HM13: variants seen among roughly 807,000 people sequenced by gnomAD.
HM13 encodes histocompatibility minor 13.
HM13 carries 18 observed loss-of-function variants against 50.0 expected under a neutral mutation model. The ratio of observed to expected loss-of-function variants is 0.36; its 90% CI spans 0.25 to 0.53. HM13 has a LOEUF of 0.53. Ranked by LOEUF, HM13 falls within the 20% of genes least tolerant of loss-of-function variation. The pLI is 0.90. For synonymous variants in HM13, 197 were observed against 232.6 expected, an observed-to-expected ratio of 0.85 and a Z score of 1.39; for missense variants, 393 against 552.4, an observed-to-expected ratio of 0.71 and a Z score of 2.89.
intron 1 of HM13, among the ~76,000 whole-genome samples, chr20:31,522,214 C>T (rs974591608): frequency 1.1e-4 from 16 of 152,110 alleles, no homozygotes; most frequent in African/African-American, 3.1e-4. Context: ...AGCCCTGAGC[C>T]TCTGCATGTG....
chr20:31,563,187 A>G (rs1984715197), intron 10 of HM13: 1 of 152,314 alleles, frequency 6.6e-6, no homozygotes, highest in African/African-American at 2.4e-5. Context: ...ACCCTGCCCC[A>G]AGGCCTGTGT....
chr20:31,522,317 C>T (rs1417647885), intron 1 of HM13, among the ~76,000 whole-genome samples: 1 of 152,084 alleles, frequency 6.6e-6, no homozygotes, highest in Non-Finnish European at 1.5e-5. Flanking sequence ...AATCCCAGCA[C>T]TTTGGGAGGC....
chr20:31,543,682 A>C (rs976371609), intron 3 of HM13, among the ~76,000 whole-genome samples: 2 of 151,872 alleles, frequency 1.3e-5, no homozygotes, highest in Admixed American at 1.3e-4. Flanking sequence ...CTGTAATCCC[A>C]GCATTTTGGG....
chr20:31,567,917 C>G, intron 11 of HM13, 161 bp from the exon 12 acceptor site: 2 of 648,244 alleles, frequency 3.1e-6, no homozygotes, highest in Non-Finnish European at 5.2e-6. Context: ...TTTTTTCATT[C>G]TCCAAATAAT....
chr20:31,566,349 A>G (rs1300403850), intron 11 of HM13, 54 bp downstream of exon 11: 1 of 1,423,726 alleles, frequency 7.0e-7, no homozygotes, highest in Non-Finnish European at 9.9e-7. Flanking sequence ...GCCTGCTGGC[A>G]GTCAGTGGAA....
chr20:31,559,858 G>A (rs752095780), intron 9 of HM13, among the ~76,000 whole-genome samples: 28 of 152,248 alleles, frequency 1.8e-4, no homozygotes, highest in Non-Finnish European at 3.5e-4. Context: ...TAGGCCAAGA[G>A]ATTTAAACCC....
intron 7 of HM13, among the ~76,000 whole-genome samples, chr20:31,551,560 T>G (rs1045251192): frequency 7.2e-5 from 11 of 152,158 alleles, no homozygotes; most frequent in African/African-American, 2.7e-4. Context: ...ATGATTGGCT[T>G]AGAGTTTAAG....
At chr20:31,527,283 A>G (rs1472043289) in intron 1 of HM13, among the ~76,000 whole-genome samples, 1 of 151,958 alleles carries the variant, frequency 6.6e-6, no homozygotes, top group Non-Finnish European at 1.5e-5. Context: ...GGCTGTAGTG[A>G]GCCAAGATTG....
intron 8 of HM13, among the ~76,000 whole-genome samples, chr20:31,557,055 TTA>T (rs1407996809): frequency 6.6e-6 from 1 of 152,100 alleles, no homozygotes; most frequent in Non-Finnish European, 1.5e-5. Flanking sequence ...TAGGTACTTT[TTA>T]TATGTCATCT....
chr20:31,526,752 A>T lies in HM13; in HGVS notation c.184-732A>T, dbSNP rs560059592. ...TTCTCCTCACAGTTGGTGTCTCCCT[A>T]TGTGCAGTTTCAGCCATTGTCTGTC... On this transcript the variant is annotated intron_variant, in intron 1 of 12. Coordinates refer to ENST00000398174, the MANE Select transcript of HM13 (RefSeq NM_178581.3). Among the ~76,000 whole-genome samples, 7 of 152,296 alleles carry T rather than the reference A, an allele frequency of 4.6e-5. No individual in the cohort carries two copies. In the South Asian group the frequency reaches 6.2e-4, roughly 14 times the overall value.
At chr20:31,531,490 G>A (rs115016298) in intron 2 of HM13, among the ~76,000 whole-genome samples, 1,705 of 151,776 alleles carry the variant, frequency 0.011, 28 homozygotes, top group African/African-American at 0.04. Flanking sequence ...TTGTTCTCCT[G>A]AGCTCAGATG....
At position 31,569,419 on chromosome 20, in the gene HM13, C is replaced by T. The variant is rs556141580; in HGVS notation, c.*200C>T. The stretch of plus-strand genomic sequence containing the variant: ...GCCCTCCTCTGCTCCTCCCCACACC[C>T]TGCAGGCAAAAGAAACCCCCAGCTT... On this transcript the variant is annotated 3_prime_UTR_variant, in exon 13 of 13. Coordinates refer to ENST00000398174, the MANE Select transcript of HM13 (RefSeq NM_178581.3). 1.4e-4 allele frequency: 61 copies of T among 436,666 alleles called. 1 individual carries two copies. The South Asian group carries it at 3.4e-3, about 25-fold the overall frequency. 27.0% of individuals were successfully genotyped at this position (436,666 alleles called of 1,614,324 possible).
chr20:31,554,913 C>A, intron 8 of HM13, 84 bp downstream of exon 8: 1 of 1,126,584 alleles, frequency 8.9e-7, no homozygotes, highest in Non-Finnish European at 1.3e-6. Flanking sequence ...AACAGACAGG[C>A]TTACCAGCTG....
At chr20:31,564,933 A>G (rs377206159) in intron 10 of HM13, among the ~76,000 whole-genome samples, 1 of 151,794 alleles carries the variant, frequency 6.6e-6, no homozygotes, top group East Asian at 1.9e-4. Flanking sequence ...TGGGAGGCCA[A>G]GGCAGGCAGA....
At chr20:31,562,763 A>G (rs1310065020) in intron 10 of HM13, 1 of 152,328 alleles carries the variant, frequency 6.6e-6, no homozygotes, top group East Asian at 1.9e-4. Context: ...TACTTTATAG[A>G]AGGTCAAAAG....
At chr20:31,518,193 G>C (rs1490742110) in intron 1 of HM13, among the ~76,000 whole-genome samples, 1 of 151,426 alleles carries the variant, frequency 6.6e-6, no homozygotes, top group African/African-American at 2.4e-5. Context: ...GCACCACCAC[G>C]CCTGGCTAAT....
intron 8 of HM13, among the ~76,000 whole-genome samples, chr20:31,556,460 C>G (rs1259936698): frequency 6.6e-6 from 1 of 152,180 alleles, no homozygotes; most frequent in African/African-American, 2.4e-5. Context: ...ACAGGCACTT[C>G]TATTTGTGAC....
intron 1 of HM13, among the ~76,000 whole-genome samples, chr20:31,523,268 C>CTT (rs376290504): frequency 8.7e-5 from 12 of 137,318 alleles, no homozygotes; most frequent in African/African-American, 2.7e-4. Context: ...CCAGGCTGGT[C>CTT]TTTTTTTTTT....
intron 10 of HM13, 100 bp from the exon 11 acceptor site, chr20:31,566,110 C>T (rs1984891880): frequency 1.2e-6 from 1 of 832,182 alleles, no homozygotes; most frequent in South Asian, 1.5e-5. Flanking sequence ...GGACCAGTCA[C>T]TGTCCTTCAG....
Sources: gnomAD v4.1 joint callset for allele counts (sites outside exome capture counted in the v4.1 genomes callset) on GRCh38, gnomAD v4.1.1 for gene constraint, MANE v1.5 for transcripts, NCBI Gene and HGNC (gene_info 2026-07-23, HGNC 2026-07-21) for gene names.